LARGE1: variants seen among roughly 807,000 people sequenced by gnomAD.
LARGE1 encodes xylosyl- and glucuronyltransferase LARGE1.
A neutral mutation model predicts 87.6 loss-of-function variants in LARGE1; 43 were observed. That is an observed-to-expected ratio of 0.49 (90% CI 0.38 to 0.63). LARGE1 has a LOEUF of 0.63. LARGE1 is among the 30% of genes least tolerant of loss of function. LARGE1 has a pLI of 0.00. For synonymous variants in LARGE1, 434 were observed against 394.6 expected (o/e 1.10, Z -1.18); for missense variants, 802 against 1,000.2 (o/e 0.80, Z 2.67).
chr22:33,066,942 A>G, the LARGE1 span, among the ~76,000 whole-genome samples: 3 of 152,096 alleles, frequency 2.0e-5, no homozygotes, highest in Admixed American at 2.0e-4. Flanking sequence ...AGACACACTG[A>G]TGCTTCCAGT....
intron 1 of LARGE1, among the ~76,000 whole-genome samples, chr22:33,782,660 A>G (rs972965761): frequency 2.0e-5 from 3 of 151,946 alleles, no homozygotes; most frequent in Admixed American, 2.0e-4. Context: ...AGGTCAGGAG[A>G]TCAAGACCAT....
intron 9 of LARGE1, 56 bp from the exon 10 acceptor site, chr22:33,337,857 C>G (rs1410146840): frequency 6.3e-7 from 1 of 1,576,854 alleles, no homozygotes; most frequent in African/African-American, 1.3e-5. Context: ...GGGGATCCCT[C>G]ACACCTGTAG....
chr22:33,908,210 G>C lies in LARGE1; in HGVS notation c.-83+11785C>G, dbSNP rs1240751879. ...TTTATTGTATTGACTGCATGTTCCA[G>C]GCATACGGTAAAACCTAGAAGATCC... On this transcript the variant is annotated intron_variant, in intron 1 of 14. Coordinates refer to ENST00000397394, the MANE Select transcript of LARGE1 (RefSeq NM_133642.5). Among the ~76,000 whole-genome samples the C allele has an allele frequency of 2.0e-5, 3 of 152,162 alleles. No homozygotes were observed. The East Asian group carries it at 5.8e-4, about 29-fold the overall frequency.
At chr22:33,808,386 G>T (rs2086381622) in intron 1 of LARGE1, among the ~76,000 whole-genome samples, 1 of 152,066 alleles carries the variant, frequency 6.6e-6, no homozygotes, top group Admixed American at 6.6e-5. Context: ...ACTCCTTATG[G>T]GGAGAAAAGA....
chr22:33,460,658 C>T (rs1377994704), intron 6 of LARGE1, among the ~76,000 whole-genome samples: 4 of 152,118 alleles, frequency 2.6e-5, no homozygotes, highest in Non-Finnish European at 4.4e-5. Context: ...GGGAGCCTGC[C>T]TATCCCTACT....
chr22:33,415,916 T>G (rs2066470556), intron 7 of LARGE1, among the ~76,000 whole-genome samples: 1 of 152,200 alleles, frequency 6.6e-6, no homozygotes, highest in Non-Finnish European at 1.5e-5. Flanking sequence ...ACTGCCTGGT[T>G]ACCGTTCAGA....
chr22:33,397,809 T>C lies in LARGE1; in HGVS notation c.893-13505A>G, dbSNP rs5998919. ...AGTCCCACTAAAAACTGGCATTGTC[T>C]CAATTTTTGCATTTTAGGCATTCGG... is the stretch of plus-strand genomic sequence containing the variant. On this transcript the variant is annotated intron_variant, in intron 7 of 14. Coordinates refer to ENST00000397394, the MANE Select transcript of LARGE1 (RefSeq NM_133642.5). Among the ~76,000 whole-genome samples the C allele has an allele frequency of 8.8e-3, 1,345 of 152,342 alleles. 20 individuals carry two copies. The highest frequency in any genetic ancestry group is 0.031 in the African/African-American group (1,274 of 41,568).
intron 2 of LARGE1, among the ~76,000 whole-genome samples, chr22:33,704,443 C>T (rs543365979): frequency 1.3e-5 from 2 of 152,290 alleles, no homozygotes; most frequent in South Asian, 2.1e-4. Flanking sequence ...CCATGCTCAC[C>T]GAGTGCTCTC....
At chr22:33,552,237 TG>T (rs1219351012) in intron 6 of LARGE1, among the ~76,000 whole-genome samples, 5 of 152,308 alleles carry the variant, frequency 3.3e-5, no homozygotes, top group African/African-American at 9.6e-5. Context: ...CCTGGAGTTC[TG>T]GATTTAATGC....
chr22:33,674,870 CCT>C (rs1296565135), intron 2 of LARGE1, among the ~76,000 whole-genome samples: 1 of 152,128 alleles, frequency 6.6e-6, no homozygotes, highest in Non-Finnish European at 1.5e-5. Flanking sequence ...GCTTGCAATA[CCT>C]CTCTCTTCTG....
At chr22:33,623,680 GAC>G in intron 4 of LARGE1, among the ~76,000 whole-genome samples, 1 of 141,886 alleles carries the variant, frequency 7.0e-6, no homozygotes, top group East Asian at 2.0e-4. Context: ...AGGGTGAACT[GAC>G]ACACAGCAAA....
At chr22:33,901,093 G>C (rs1234510570) in intron 1 of LARGE1, among the ~76,000 whole-genome samples, 1 of 152,144 alleles carries the variant, frequency 6.6e-6, no homozygotes, top group Non-Finnish European at 1.5e-5. Context: ...GACATGTACA[G>C]AGGGAAGACA....
chr22:33,305,358 T>TAA (rs60727771), intron 11 of LARGE1, among the ~76,000 whole-genome samples: 7,536 of 98,518 alleles, frequency 0.076, 557 homozygotes, highest in African/African-American at 0.2. Context: ...GGGAAAAAAT[T>TAA]AAAAAAAAAA....
At chr22:33,284,361 C>T (rs968032295) in intron 12 of LARGE1, among the ~76,000 whole-genome samples, 1 of 152,198 alleles carries the variant, frequency 6.6e-6, no homozygotes, top group African/African-American at 2.4e-5. Context: ...GCCACAGCCA[C>T]CCTAGGCAGC....
chr22:33,700,919 A>T (rs1296034404), intron 2 of LARGE1, among the ~76,000 whole-genome samples: 2 of 152,164 alleles, frequency 1.3e-5, no homozygotes. Context: ...CCGAGAGTGG[A>T]TTTCCACATC....
At chr22:33,333,013 C>CTT (rs113084979) in intron 10 of LARGE1, among the ~76,000 whole-genome samples, 1 of 140,524 alleles carries the variant, frequency 7.1e-6, no homozygotes, top group East Asian at 2.0e-4. Context: ...GGGCAATGTC[C>CTT]TTTTTTTTTT....
intron 1 of LARGE1, among the ~76,000 whole-genome samples, chr22:33,865,380 G>A (rs1334046227): frequency 2.0e-5 from 3 of 152,172 alleles, no homozygotes; most frequent in African/African-American, 7.2e-5. Context: ...TCCTGGTAGG[G>A]AATATTGGCG....
chr22:33,265,270 G>C (rs1927869960), intron 11 of LARGE1, among the ~76,000 whole-genome samples: 1 of 151,980 alleles, frequency 6.6e-6, no homozygotes, highest in Non-Finnish European at 1.5e-5. Context: ...CAATAATCCT[G>C]GTAAGTCAGT....
At chr22:33,713,764 G>A (rs925416678) in intron 2 of LARGE1, among the ~76,000 whole-genome samples, 2 of 151,852 alleles carry the variant, frequency 1.3e-5, no homozygotes, top group African/African-American at 2.4e-5. Flanking sequence ...CAAGACCAGC[G>A]TGGGCAACAT....
Sources: gnomAD v4.1 joint callset for allele counts (sites outside exome capture counted in the v4.1 genomes callset) on GRCh38, gnomAD v4.1.1 for gene constraint, MANE v1.5 for transcripts, NCBI Gene and HGNC (gene_info 2026-07-23, HGNC 2026-07-21) for gene names.